PIP4K2A: variants seen among roughly 807,000 people sequenced by gnomAD.
PIP4K2A encodes phosphatidylinositol 5-phosphate 4-kinase type-2 alpha.
In PIP4K2A, 14 loss-of-function variants were observed where a neutral mutation model predicts 42.9. That is an observed-to-expected ratio of 0.33 (90% CI 0.22 to 0.51). The LOEUF (loss-of-function observed/expected upper bound fraction) is 0.51, where lower values mean the gene tolerates loss of function less well. Ranked by LOEUF, PIP4K2A falls within the 20% of genes least tolerant of loss-of-function variation. The probability of loss-of-function intolerance (pLI) is 0.97; values close to 1 mark genes in which losing one functional copy is unlikely to be tolerated. For synonymous variants in PIP4K2A, 192 were observed against 192.2 expected (o/e 1.00, Z 0.01); for missense variants, 434 against 519.8 (o/e 0.83, Z 1.61).
intron 4 of PIP4K2A, 34 bp from the exon 5 acceptor site, chr10:22,573,491 T>G (rs1323671737): frequency 6.3e-7 from 1 of 1,583,050 alleles, no homozygotes; most frequent in South Asian, 1.2e-5. Flanking sequence ...GAAAAAAACA[T>G]CCAATCAAAA....
At chr10:22,698,169 C>T (rs1840008245) in intron 1 of PIP4K2A, among the ~76,000 whole-genome samples, 1 of 152,176 alleles carries the variant, frequency 6.6e-6, no homozygotes, top group African/African-American at 2.4e-5. Context: ...AACCTCAGAC[C>T]TGATACTCCC....
In PIP4K2A at chr10:22,572,087, C is replaced by T. The variant is rs879673741; in HGVS notation, c.639+1224G>A. Reference sequence around the variant, plus strand: ...CACAACTCACATCTGCAAAAGCTTTCGAGTGTCCTCTTGTAAGAGCGTGAA... The same window carrying T: ...CACAACTCACATCTGCAAAAGCTTTTGAGTGTCCTCTTGTAAGAGCGTGAA... On this transcript the variant is annotated intron_variant, in intron 5 of 9. Coordinates refer to ENST00000376573, the MANE Select transcript of PIP4K2A (RefSeq NM_005028.5). Among the ~76,000 whole-genome samples, 17 of 152,304 alleles carry T rather than the reference C, an allele frequency of 1.1e-4. No homozygotes were observed. In the South Asian group the frequency reaches 2.9e-3, roughly 26 times the overall value.
At chr10:22,569,249 C>T (rs1459506889) in intron 5 of PIP4K2A, among the ~76,000 whole-genome samples, 1 of 152,194 alleles carries the variant, frequency 6.6e-6, no homozygotes, top group South Asian at 2.1e-4. Context: ...CTCAGTGCCC[C>T]CAGGACTGGA....
chr10:22,544,659 C>A (rs1335840673), intron 7 of PIP4K2A, among the ~76,000 whole-genome samples: 1 of 152,244 alleles, frequency 6.6e-6, no homozygotes, highest in Non-Finnish European at 1.5e-5. Context: ...CAGTCCTCTG[C>A]AAAGGGCAGA....
At chr10:22,558,947 T>C (rs45553338) in intron 6 of PIP4K2A, among the ~76,000 whole-genome samples, 2,746 of 152,312 alleles carry the variant, frequency 0.018, 41 homozygotes, top group Middle Eastern at 0.051. Context: ...AATACTGTCA[T>C]ATTTTATGAC....
chr10:22,536,984 AT>A lies in PIP4K2A; in HGVS notation c.*216del. The A allele has an allele frequency of 4.9e-6, 2 of 406,018 alleles. No individual in the cohort carries two copies. The highest frequency in any genetic ancestry group is 4.5e-6 in the Non-Finnish European group (1 of 220,146). 25.2% of individuals were successfully genotyped at this position (406,018 alleles called of 1,614,324 possible). Reference sequence around the variant, plus strand: ...CCCCCCCCAACACACACACACACACATATACACAAAGTCAGAAATAGCTAGA... The same window carrying A: ...CCCCCCCCAACACACACACACACACAATACACAAAGTCAGAAATAGCTAGA... On this transcript the variant is annotated 3_prime_UTR_variant, in exon 10 of 10. Coordinates refer to ENST00000376573, the MANE Select transcript of PIP4K2A (RefSeq NM_005028.5).
At chr10:22,681,044 C>A (rs767028512) in intron 1 of PIP4K2A, among the ~76,000 whole-genome samples, 1 of 152,140 alleles carries the variant, frequency 6.6e-6, no homozygotes, top group African/African-American at 2.4e-5. Context: ...TAGCCCTTAT[C>A]TTCTACCTGT....
intron 1 of PIP4K2A, among the ~76,000 whole-genome samples, chr10:22,698,389 C>T (rs1038017275): frequency 6.6e-6 from 1 of 152,180 alleles, no homozygotes; most frequent in Admixed American, 6.5e-5. Context: ...TTGAAAGCAA[C>T]TTGGCAACAT....
intron 5 of PIP4K2A, chr10:22,569,056 T>C: frequency 1.3e-6 from 2 of 1,534,644 alleles, no homozygotes; most frequent in Non-Finnish European, 1.7e-6. Context: ...ATTGGCCATC[T>C]GCAAAGAAAT....
Position 22,535,998 on chromosome 10 carries a change from C to T in PIP4K2A, c.*1203G>A, listed in dbSNP as rs1382779821. On this transcript the variant is annotated 3_prime_UTR_variant, in exon 10 of 10. Coordinates refer to ENST00000376573, the MANE Select transcript of PIP4K2A (RefSeq NM_005028.5). Reference sequence around the variant, plus strand: ...AGGATACGTCTCAAAATATGACAAACGTTATTTCACCTATACTGTGACTTT... The same window carrying T: ...AGGATACGTCTCAAAATATGACAAATGTTATTTCACCTATACTGTGACTTT... 2 of 397,126 alleles carry T rather than the reference C, an allele frequency of 5.0e-6. No homozygotes were observed. Among genetic ancestry groups the T allele is most frequent in the African/African-American group, 2.1e-5 (1 of 48,708 alleles). The allele number at this position is 397,126 out of a possible 1,614,324, so 24.6% of individuals were successfully genotyped here.
intron 1 of PIP4K2A, among the ~76,000 whole-genome samples, chr10:22,650,282 A>C (rs2766001): frequency 0.51 from 77,582 of 151,870 alleles, 22,267 homozygotes; most frequent in African/African-American, 0.77. Context: ...GAGACTGGGT[A>C]TCCCTTTGTC....
At chr10:22,695,071 C>G (rs971487221) in intron 1 of PIP4K2A, among the ~76,000 whole-genome samples, 1 of 152,136 alleles carries the variant, frequency 6.6e-6, no homozygotes, top group Non-Finnish European at 1.5e-5. Flanking sequence ...TAGGACCAGA[C>G]CTTCAAATTG....
chr10:22,689,559 G>A (rs905828581), intron 1 of PIP4K2A, among the ~76,000 whole-genome samples: 4 of 145,952 alleles, frequency 2.7e-5, no homozygotes, highest in Non-Finnish European at 5.9e-5. Flanking sequence ...CATGCAGGAG[G>A]ATGTGCACAG....
At chr10:22,675,708 G>C (rs140774452) in intron 1 of PIP4K2A, among the ~76,000 whole-genome samples, 2 of 152,224 alleles carry the variant, frequency 1.3e-5, no homozygotes, top group African/African-American at 4.8e-5. Context: ...TCCCTTAAAT[G>C]ATCAATGTAG....
chr10:22,683,518 C>T (rs1265581683), intron 1 of PIP4K2A, among the ~76,000 whole-genome samples: 1 of 152,136 alleles, frequency 6.6e-6, no homozygotes, highest in Non-Finnish European at 1.5e-5. Flanking sequence ...TTGTCCCCAG[C>T]CTTCTCCTCA....
Position 22,591,786 on chromosome 10 carries a change from C to G in PIP4K2A, c.340-5G>C. Reference sequence around the variant, plus strand: ...TGCGCTCCTGGTCAGGGAATTCTTCCCGGGTGGGGTAAGAGGGGAAGGAAG... The same window carrying G: ...TGCGCTCCTGGTCAGGGAATTCTTCGCGGGTGGGGTAAGAGGGGAAGGAAG... On this transcript the variant is annotated splice_polypyrimidine_tract_variant and splice_region_variant and intron_variant, in intron 3 of 9. Coordinates refer to ENST00000376573, the MANE Select transcript of PIP4K2A (RefSeq NM_005028.5). The G allele has an allele frequency of 6.2e-7, 1 of 1,605,300 alleles. No individual in the cohort carries two copies. Among genetic ancestry groups the G allele is most frequent in the Non-Finnish European group, 8.5e-7 (1 of 1,175,170 alleles).
intron 7 of PIP4K2A, among the ~76,000 whole-genome samples, chr10:22,542,782 C>T (rs191511433): frequency 2.6e-4 from 40 of 152,340 alleles, no homozygotes; most frequent in Non-Finnish European, 2.9e-4. Context: ...TTATTTGAGA[C>T]CTTCAGCACA....
At chr10:22,681,487 AAC>A (rs1337926523) in intron 1 of PIP4K2A, among the ~76,000 whole-genome samples, 4 of 152,150 alleles carry the variant, frequency 2.6e-5, no homozygotes, top group Admixed American at 6.5e-5. Context: ...CAGCCTTGGC[AAC>A]ACAGTGAGAC....
chr10:22,616,678 C>T (rs1027978716), intron 1 of PIP4K2A, among the ~76,000 whole-genome samples: 1 of 151,180 alleles, frequency 6.6e-6, no homozygotes, highest in African/African-American at 2.4e-5. Flanking sequence ...AAAAAAACTT[C>T]TAAAAGATTC....
Sources: gnomAD v4.1 joint callset for allele counts (sites outside exome capture counted in the v4.1 genomes callset) on GRCh38, gnomAD v4.1.1 for gene constraint, MANE v1.5 for transcripts, NCBI Gene and HGNC (gene_info 2026-07-23, HGNC 2026-07-21) for gene names.